The following HCK variants were observed in gnomAD, a reference collection of about 807,000 sequenced individuals.
HCK encodes HCK proto-oncogene, Src family tyrosine kinase.
A neutral mutation model predicts 70.4 loss-of-function variants in HCK; 40 were observed. The ratio of observed to expected loss-of-function variants is 0.57; its 90% CI spans 0.44 to 0.74. The LOEUF is 0.74. Ranked by LOEUF, HCK falls within the 30% of genes least tolerant of loss-of-function variation. The pLI is 0.00. For missense variants in HCK, 568 were observed against 697.2 expected, an observed-to-expected ratio of 0.81 and a Z score of 2.09; for synonymous variants, 245 against 263.2, an observed-to-expected ratio of 0.93 and a Z score of 0.67.
chr20:32,090,746 G>T (rs76745534), intron 10 of HCK, among the ~76,000 whole-genome samples: 1 of 152,134 alleles, frequency 6.6e-6, no homozygotes, highest in East Asian at 1.9e-4. Flanking sequence ...CTTACACCTG[G>T]GCCCAATAAA....
chr20:32,084,053 A>C lies in HCK; in HGVS notation c.682+10A>C, dbSNP rs1286301662. 6.2e-7 allele frequency: 1 copy of C among 1,611,082 alleles called. No homozygotes were observed. The highest frequency in any genetic ancestry group is 1.7e-5 in the Admixed American group (1 of 59,534). ...GTGGACCACTACAAGAGTGAGTCCC[A>C]CCCCAGGGGTGACATCCCCACCACG... On this transcript the variant is annotated intron_variant, in intron 7 of 12. Transcript: ENST00000375852.
At position 32,092,368 on chromosome 20, in the gene HCK, A is replaced by T. The variant is rs182533168; in HGVS notation, c.1093-1495A>T. ...TTCCTGCCTCAAAGAGCTCAAGCCC[A>T]GTTTGTAAACCAAAAGTGCTGCTTT... On this transcript the variant is annotated intron_variant, in intron 10 of 12. Transcript: ENST00000375852. Among the ~76,000 whole-genome samples the T allele has an allele frequency of 2.0e-4, 31 of 152,328 alleles. No homozygotes were observed. In the East Asian group the frequency reaches 5.8e-3, roughly 28 times the overall value.
intron 2 of HCK, 45 bp downstream of exon 2, chr20:32,071,827 GC>G: frequency 2.5e-6 from 4 of 1,600,130 alleles, no homozygotes; most frequent in Non-Finnish European, 3.4e-6. Context: ...GACGGATGCT[GC>G]CCCAACATTG....
intron 6 of HCK, among the ~76,000 whole-genome samples, chr20:32,081,700 G>T (rs1355917800): frequency 1.3e-5 from 2 of 152,112 alleles, no homozygotes; most frequent in East Asian, 1.9e-4. Context: ...CCCACCCAAC[G>T]AGCCCCATTC....
At chr20:32,078,883 G>C (rs1163177163) in intron 5 of HCK, among the ~76,000 whole-genome samples, 1 of 104,846 alleles carries the variant, frequency 9.5e-6, no homozygotes, top group East Asian at 2.0e-4. Context: ...AAAAAAAGGG[G>C]GGGAATGATA....
At chr20:32,052,508 C>G in intron 1 of HCK, 22 bp downstream of exon 1, 1 of 1,259,784 alleles carries the variant, frequency 7.9e-7, no homozygotes, top group Non-Finnish European at 1.0e-6. Context: ...GCACAGGGGA[C>G]CGGGAATACC....
intron 1 of HCK, among the ~76,000 whole-genome samples, chr20:32,070,463 C>A (rs752736365): frequency 6.6e-6 from 1 of 152,178 alleles, no homozygotes; most frequent in Non-Finnish European, 1.5e-5. Context: ...TAAGCACATG[C>A]CAGCCTCAGG....
intron 1 of HCK, among the ~76,000 whole-genome samples, chr20:32,066,047 G>A (rs1375420973): frequency 6.6e-6 from 1 of 151,992 alleles, no homozygotes; most frequent in African/African-American, 2.4e-5. Flanking sequence ...TGGTTCTCAC[G>A]CTAGCCACAC....
At chr20:32,088,446 A>T in intron 9 of HCK, 122 bp from the exon 10 acceptor site, 1 of 641,444 alleles carries the variant, frequency 1.6e-6, no homozygotes, top group South Asian at 2.1e-5. Context: ...ATTCGTATTT[A>T]AATCTACTAC....
At chr20:32,084,157 AGATAGTT>A in intron 7 of HCK, 114 bp downstream of exon 7, 1 of 1,221,464 alleles carries the variant, frequency 8.2e-7, no homozygotes. Context: ...TCCCCTAGAC[AGATAGTT>A]GCTTTGGATG....
chr20:32,067,644 C>T (rs75517018), intron 1 of HCK, among the ~76,000 whole-genome samples: 2,530 of 148,676 alleles, frequency 0.017, 72 homozygotes, highest in African/African-American at 0.059. Flanking sequence ...GTGCATGACA[C>T]TCCTACTGTG....
chr20:32,090,458 A>C (rs957356977), intron 10 of HCK, among the ~76,000 whole-genome samples: 1 of 152,178 alleles, frequency 6.6e-6, no homozygotes, highest in African/African-American at 2.4e-5. Context: ...GGGTGACATG[A>C]AATGTTATTC....
intron 1 of HCK, among the ~76,000 whole-genome samples, chr20:32,061,728 A>G (rs1224388680): frequency 1.3e-5 from 2 of 152,172 alleles, no homozygotes; most frequent in Non-Finnish European, 2.9e-5. Context: ...CCCCAGAGGT[A>G]TAAGCACAGT....
intron 6 of HCK, among the ~76,000 whole-genome samples, chr20:32,081,139 C>T (rs1338072008): frequency 2.0e-5 from 3 of 152,196 alleles, no homozygotes; most frequent in Non-Finnish European, 4.4e-5. Flanking sequence ...CCACAAGCCT[C>T]ATTCCTCCTT....
At chr20:32,054,820 C>CA (rs2045244840) in intron 1 of HCK, among the ~76,000 whole-genome samples, 3 of 152,240 alleles carry the variant, frequency 2.0e-5, no homozygotes, top group Middle Eastern at 3.4e-3. Context: ...CAAAACAAAA[C>CA]AAAAAACTAT....
intron 10 of HCK, among the ~76,000 whole-genome samples, chr20:32,091,484 G>C (rs1206467543): frequency 6.6e-6 from 1 of 152,196 alleles, no homozygotes; most frequent in African/African-American, 2.4e-5. Context: ...AAGTGTTTAA[G>C]TATCATCTTA....
At chr20:32,087,450 C>A (rs1472911031) in intron 9 of HCK, among the ~76,000 whole-genome samples, 2 of 151,926 alleles carry the variant, frequency 1.3e-5, no homozygotes, top group Non-Finnish European at 2.9e-5. Context: ...CCACACTCAG[C>A]TAATTTTATT....
chr20:32,088,420 G>A (rs1329577817), intron 9 of HCK, 148 bp from the exon 10 acceptor site: 3 of 586,632 alleles, frequency 5.1e-6, no homozygotes, highest in Non-Finnish European at 6.0e-6. Context: ...TCAAACACTA[G>A]GAATTGCAAA....
chr20:32,086,971 T>A (rs2045797896), intron 9 of HCK, among the ~76,000 whole-genome samples, 164 bp downstream of exon 9: 1 of 152,178 alleles, frequency 6.6e-6, no homozygotes, highest in Non-Finnish European at 1.5e-5. Flanking sequence ...AATCCAGCCC[T>A]CCTGGTTAGT....
Sources: gnomAD v4.1 joint callset for allele counts (sites outside exome capture counted in the v4.1 genomes callset) on GRCh38, gnomAD v4.1.1 for gene constraint, MANE v1.5 for transcripts, NCBI Gene and HGNC (gene_info 2026-07-23, HGNC 2026-07-21) for gene names.